Variants in C14orf39 observed in about 807,000 individuals in gnomAD.
C14orf39 encodes the protein protein SIX6OS1.
C14orf39 carries 66 observed loss-of-function variants against 85.6 expected under a neutral mutation model. The observed-to-expected ratio is 0.77, with a 90% CI of 0.63 to 0.95. The LOEUF (loss-of-function observed/expected upper bound fraction) is 0.95, where lower values mean the gene tolerates loss of function less well. C14orf39 is among the 40% of genes least tolerant of loss of function. The pLI, the probability that C14orf39 is intolerant of heterozygous loss-of-function variation, is 0.00. For synonymous variants in C14orf39, 242 were observed against 214.0 expected, an observed-to-expected ratio of 1.13 and a Z score of -1.14; for missense variants, 735 against 663.9, an observed-to-expected ratio of 1.11 and a Z score of -1.18.
rs1294564892 is a variant in C14orf39 at position 60,468,471 on chromosome 14, T to C, written c.741A>G (p.Thr247=). 1.3e-6 allele frequency: 2 copies of C among 1,596,546 alleles called. No individual in the cohort carries two copies. Among genetic ancestry groups the C allele is most frequent in the Non-Finnish European group, 1.7e-6 (2 of 1,169,852 alleles). The change falls in exon 9 of 18, where the codon ACA becomes ACG. Residue 247 remains threonine (T), a synonymous_variant. Transcript: ENST00000321731. ...TTTCTTTCAGTTCTTTTCTGTTTTC[T>C]GTATTTTTGTTCTTTTCTTCCAGAG... ...SETLEEKNKN[T]ENRKELKERI... is the part of the protein sequence containing the mutation.
intron 5 of C14orf39, among the ~76,000 whole-genome samples, chr14:60,475,933 T>C (rs1278436014): frequency 6.6e-6 from 1 of 152,148 alleles, no homozygotes; most frequent in South Asian, 2.1e-4. Flanking sequence ...TCTTAAAAGA[T>C]ACCCTGAGGA....
At chr14:60,497,988 G>C (rs1191855230) in intron 2 of C14orf39, among the ~76,000 whole-genome samples, 1 of 152,198 alleles carries the variant, frequency 6.6e-6, no homozygotes, top group African/African-American at 2.4e-5. Context: ...TGCAGCTACA[G>C]TGTCCTGGTA....
intron 1 of C14orf39, among the ~76,000 whole-genome samples, chr14:60,502,130 T>C (rs1265499979): frequency 6.6e-6 from 1 of 152,228 alleles, no homozygotes; most frequent in Non-Finnish European, 1.5e-5. Flanking sequence ...AATACCATTA[T>C]AGTGACACTA....
intron 7 of C14orf39, among the ~76,000 whole-genome samples, chr14:60,470,599 G>A (rs907446493): frequency 2.6e-5 from 4 of 151,724 alleles, no homozygotes; most frequent in South Asian, 2.1e-4. Context: ...CTATACCAGC[G>A]TCTACTAACT....
In C14orf39 at chr14:60,436,743, TAATC is replaced by T; in HGVS notation, c.*98_*101del. ...TCAAATAATGTAAACATTACTGCTT[TAATC>T]AATAAAAGAAAGCAGTCTTCATGTT... On this transcript the variant is annotated 3_prime_UTR_variant, in exon 18 of 18. Transcript: ENST00000321731. 1 of 746,336 alleles carries T rather than the reference TAATC, an allele frequency of 1.3e-6. No homozygotes were observed. Among genetic ancestry groups the T allele is most frequent in the Non-Finnish European group, 2.2e-6 (1 of 449,824 alleles). 46.2% of individuals were successfully genotyped at this position (746,336 alleles called of 1,614,324 possible).
intron 1 of C14orf39, among the ~76,000 whole-genome samples, chr14:60,505,615 C>A (rs1486877208): frequency 6.6e-6 from 1 of 152,144 alleles, no homozygotes; most frequent in African/African-American, 2.4e-5. Flanking sequence ...GTCTTCCAGT[C>A]TGTGACTCTC....
upstream of C14orf39, among the ~76,000 whole-genome samples, chr14:60,487,589 A>G (rs1892920261): frequency 1.3e-5 from 2 of 152,138 alleles, no homozygotes; most frequent in Non-Finnish European, 2.9e-5. Flanking sequence ...TGCAGTGAAC[A>G]TGAGAGCACA....
At chr14:60,477,629 T>C (rs188213576) in intron 5 of C14orf39, among the ~76,000 whole-genome samples, 5 of 152,304 alleles carry the variant, frequency 3.3e-5, no homozygotes, top group Admixed American at 6.5e-5. Flanking sequence ...AAGTTTGATA[T>C]AAAATACCAT....
intron 9 of C14orf39, among the ~76,000 whole-genome samples, chr14:60,467,622 C>A (rs916894042): frequency 2.0e-5 from 3 of 151,470 alleles, no homozygotes; most frequent in African/African-American, 7.3e-5. Context: ...TAAAGGCGGT[C>A]AATAAAGTAA....
chr14:60,468,553 G>A lies in C14orf39; in HGVS notation c.676-17C>T. On this transcript the variant is annotated splice_polypyrimidine_tract_variant and intron_variant, in intron 8 of 17. Coordinates refer to ENST00000321731, the MANE Select transcript of C14orf39 (RefSeq NM_174978.3). The stretch of plus-strand genomic sequence containing the variant: ...AGATATCTGCTAAAAAGACAATTGG[G>A]AACACAAAACAAAATAATTACTTGC... The A allele has an allele frequency of 4.2e-6, 6 of 1,435,138 alleles. No individual in the cohort carries two copies. Among genetic ancestry groups the A allele is most frequent in the Admixed American group, 2.1e-5 (1 of 47,144 alleles). The allele number at this position is 1,435,138 out of a possible 1,614,324, so 88.9% of individuals were successfully genotyped here. A position where few individuals can be genotyped will look rare whatever the true frequency, so the allele number is the denominator to read the frequency against.
chr14:60,505,640 TG>T (rs1246118925), intron 1 of C14orf39, among the ~76,000 whole-genome samples: 2 of 152,176 alleles, frequency 1.3e-5, no homozygotes. Context: ...GCAGCACAAA[TG>T]TCTTTATCAA....
intron 16 of C14orf39, among the ~76,000 whole-genome samples, chr14:60,447,206 C>T (rs924199165): frequency 4.6e-5 from 7 of 152,286 alleles, no homozygotes; most frequent in Non-Finnish European, 8.8e-5. Flanking sequence ...CCAGGGCAAT[C>T]AGGCAAGAGA....
intron 5 of C14orf39, among the ~76,000 whole-genome samples, chr14:60,474,673 T>C (rs75424817): frequency 0.82 from 124,664 of 151,668 alleles, 52,874 homozygotes; most frequent in Non-Finnish European, 0.92. Context: ...TGGTTTTTGT[T>C]GTTGGTTCTG....
intron 8 of C14orf39, among the ~76,000 whole-genome samples, chr14:60,469,095 T>A (rs1891940444): frequency 6.6e-6 from 1 of 151,362 alleles, no homozygotes; most frequent in African/African-American, 2.4e-5. Flanking sequence ...AAACTAGTTC[T>A]AGCCTAGCTC....
intron 17 of C14orf39, among the ~76,000 whole-genome samples, chr14:60,439,878 A>C (rs1158737773): frequency 2.0e-5 from 3 of 152,186 alleles, no homozygotes; most frequent in Non-Finnish European, 4.4e-5. Flanking sequence ...ATTTGAGACC[A>C]GCCTGGCCAA....
Position 60,468,996 on chromosome 14 carries a change from G to A in C14orf39, c.676-460C>T, listed in dbSNP as rs1228207835. Among the ~76,000 whole-genome samples, 6 of 151,376 alleles carry A rather than the reference G, an allele frequency of 4.0e-5. No homozygotes were observed. In the Admixed American group the frequency reaches 4.0e-4, roughly 10 times the overall value. On this transcript the variant is annotated intron_variant, in intron 8 of 17. Coordinates refer to ENST00000321731, the MANE Select transcript of C14orf39 (RefSeq NM_174978.3). ...GTCAAATTTTTCTCAGAATTTGGAA[G>A]CGACTTTGATGGGTTATCATAGCTA...
intron 17 of C14orf39, among the ~76,000 whole-genome samples, chr14:60,441,111 C>T (rs996504643): frequency 2.6e-5 from 4 of 152,050 alleles, no homozygotes; most frequent in African/African-American, 7.2e-5. Context: ...TGACTTCCCA[C>T]AGCACTGTTT....
At chr14:60,504,277 T>C (rs1893179330) in intron 1 of C14orf39, among the ~76,000 whole-genome samples, 2 of 152,248 alleles carry the variant, frequency 1.3e-5, no homozygotes, top group African/African-American at 4.8e-5. Context: ...TGTTGAAGGC[T>C]GATGCCTCTA....
chr14:60,496,090 T>G, intron 2 of C14orf39: 1 of 741,176 alleles, frequency 1.3e-6, no homozygotes, highest in Non-Finnish European at 2.2e-6. Flanking sequence ...TGGCTTCCAG[T>G]GTTCTGACTG....
Sources: gnomAD v4.1 joint callset for allele counts (sites outside exome capture counted in the v4.1 genomes callset) on GRCh38, gnomAD v4.1.1 for gene constraint, MANE v1.5 for transcripts, NCBI Gene and HGNC (gene_info 2026-07-23, HGNC 2026-07-21) for gene names.